TMEM40: variants seen among roughly 807,000 people sequenced by gnomAD.
TMEM40 encodes the protein transmembrane protein 40.
A neutral mutation model predicts 40.8 loss-of-function variants in TMEM40; 34 were observed. The observed-to-expected ratio is 0.83, with a 90% CI of 0.63 to 1.11. The LOEUF is 1.11. Ranked by LOEUF, TMEM40 falls within the 50% of genes least tolerant of loss-of-function variation. TMEM40 has a pLI of 0.00. For synonymous variants in TMEM40, 106 were observed against 107.0 expected, an observed-to-expected ratio of 0.99 and a Z score of 0.06; for missense variants, 296 against 280.2, an observed-to-expected ratio of 1.06 and a Z score of -0.40.
intron 3 of TMEM40, among the ~76,000 whole-genome samples, chr3:12,745,067 A>AT (rs909652543): frequency 9.8e-4 from 149 of 151,372 alleles, no homozygotes; most frequent in Non-Finnish European, 1.9e-3. Flanking sequence ...AATTATTCCA[A>AT]TTTTTTTTTG....
chr3:12,734,834 G>T, intron 11 of TMEM40, 41 bp from the exon 12 acceptor site: 1 of 1,584,552 alleles, frequency 6.3e-7, no homozygotes, highest in Admixed American at 1.8e-5. Context: ...GATTCTGAAG[G>T]CAGCCAGGCT....
At chr3:12,751,733 C>T (rs140993719) in intron 1 of TMEM40, among the ~76,000 whole-genome samples, 72 of 152,260 alleles carry the variant, frequency 4.7e-4, no homozygotes, top group African/African-American at 1.5e-3. Context: ...GTTCTCTGCA[C>T]GCAACAGGTG....
chr3:12,760,607 C>A (rs989823982), upstream of TMEM40, among the ~76,000 whole-genome samples: 2 of 152,134 alleles, frequency 1.3e-5, no homozygotes, highest in African/African-American at 4.8e-5. Flanking sequence ...AAGTAGTAAC[C>A]CCACACCAGC....
At chr3:12,748,361 C>G (rs187213338) in intron 3 of TMEM40, among the ~76,000 whole-genome samples, 12 of 152,300 alleles carry the variant, frequency 7.9e-5, no homozygotes, top group African/African-American at 2.9e-4. Context: ...TGAGATGCAG[C>G]CACTTGAGGG....
intron 7 of TMEM40, 170 bp from the exon 8 acceptor site, chr3:12,737,924 C>A: frequency 3.3e-6 from 3 of 911,552 alleles, no homozygotes; most frequent in Admixed American, 2.1e-5. Context: ...TCCTTGGAAC[C>A]CCCACTGACT....
intron 3 of TMEM40, among the ~76,000 whole-genome samples, chr3:12,744,625 G>T (rs1344592068): frequency 2.0e-5 from 3 of 152,190 alleles, no homozygotes; most frequent in Non-Finnish European, 4.4e-5. Flanking sequence ...CCCTGCAAGG[G>T]TGCCCAGCTA....
chr3:12,768,235 G>T (rs1006403259), intron 1 of TMEM40, among the ~76,000 whole-genome samples: 2 of 152,110 alleles, frequency 1.3e-5, no homozygotes, highest in Non-Finnish European at 2.9e-5. Context: ...TCAGAAGTGA[G>T]CCTGCAGACC....
chr3:12,736,913 C>A, intron 8 of TMEM40, 78 bp from the exon 9 acceptor site: 2 of 1,583,862 alleles, frequency 1.3e-6, no homozygotes, highest in South Asian at 2.2e-5. Context: ...AGGTCTTGCT[C>A]TGTCACCCAG....
rs2061320500 is a variant in TMEM40, at chr3:12,734,105, G to T, written c.*669C>A. 6.6e-6 allele frequency: 1 copy of T among 151,738 alleles called. No individual in the cohort carries two copies. Among genetic ancestry groups the T allele is most frequent in the Admixed American group, 6.6e-5 (1 of 15,228 alleles). 9.4% of individuals were successfully genotyped at this position (151,738 alleles called of 1,614,324 possible). A position where few individuals can be genotyped will look rare whatever the true frequency, so the allele number is the denominator to read the frequency against. On this transcript the variant is annotated 3_prime_UTR_variant, in exon 12 of 12. Coordinates refer to ENST00000314124, the MANE Select transcript of TMEM40 (RefSeq NM_018306.4). ...ATTAAAAAAAAATTGTAGAGATGGGGGTCTCACTATGTTGCCCAGGTTGGT... is the reference window on the plus strand; with the variant it reads ...ATTAAAAAAAAATTGTAGAGATGGGTGTCTCACTATGTTGCCCAGGTTGGT...
intron 1 of TMEM40, among the ~76,000 whole-genome samples, chr3:12,757,111 G>A (rs910829211): frequency 2.6e-5 from 4 of 152,102 alleles, no homozygotes; most frequent in Non-Finnish European, 4.4e-5. Flanking sequence ...GTTTAAAAAC[G>A]GACAGAGGAT....
chr3:12,763,540 G>A (rs562571325), upstream of TMEM40, among the ~76,000 whole-genome samples: 1 of 152,180 alleles, frequency 6.6e-6, no homozygotes, highest in Non-Finnish European at 1.5e-5. Context: ...AGCCAGCTCA[G>A]CAGCTGAGCA....
At chr3:12,750,725 G>A (rs1198635847) in intron 1 of TMEM40, among the ~76,000 whole-genome samples, 1 of 152,158 alleles carries the variant, frequency 6.6e-6, no homozygotes, top group Non-Finnish European at 1.5e-5. Context: ...TGGGACTACA[G>A]GCACGTGCCA....
At chr3:12,734,963 A>G (rs1033688689) in intron 11 of TMEM40, among the ~76,000 whole-genome samples, 170 bp from the exon 12 acceptor site, 1 of 152,168 alleles carries the variant, frequency 6.6e-6, no homozygotes, top group African/African-American at 2.4e-5. Context: ...CTTTTTCTTC[A>G]TTACATGGAT....
chr3:12,757,200 T>C (rs1260230213), intron 1 of TMEM40, among the ~76,000 whole-genome samples: 1 of 152,178 alleles, frequency 6.6e-6, no homozygotes, highest in Non-Finnish European at 1.5e-5. Context: ...CTGGGTGCGG[T>C]GGCTCATGTC....
At chr3:12,754,610 G>A (rs560451901) in intron 1 of TMEM40, among the ~76,000 whole-genome samples, 80 of 152,262 alleles carry the variant, frequency 5.3e-4, no homozygotes, top group African/African-American at 1.8e-3. Context: ...TGAAGAAGGT[G>A]GCCCACATTC....
intron 3 of TMEM40, 58 bp from the exon 4 acceptor site, chr3:12,744,047 C>A (rs993853703): frequency 6.5e-7 from 1 of 1,531,148 alleles, no homozygotes. Context: ...GCTGGGAATG[C>A]GTTCATTCTG....
intron 1 of TMEM40, among the ~76,000 whole-genome samples, chr3:12,751,352 G>T (rs1353939321): frequency 6.6e-6 from 1 of 150,636 alleles, no homozygotes; most frequent in African/African-American, 2.4e-5. Context: ...CATGATCTCA[G>T]CTCACTGCAA....
intron 3 of TMEM40, among the ~76,000 whole-genome samples, chr3:12,744,269 T>G (rs2061409052): frequency 6.6e-6 from 1 of 152,170 alleles, no homozygotes; most frequent in Non-Finnish European, 1.5e-5. Context: ...TAAGGTCCCA[T>G]GAGGCATCAT....
rs372449317 is a variant in TMEM40, at chr3:12,735,394, G to A, written c.682+161C>T. ...CCAGTTGAGGAAACCGAGGCTACAC[G>A]GCTCATCCAGGGTCACAGAGCTAGT... On this transcript the variant is annotated intron_variant, in intron 11 of 11. Transcript: ENST00000314124. Among the ~76,000 whole-genome samples, 45 of 152,236 alleles carry A rather than the reference G, an allele frequency of 3.0e-4. 1 individual carries two copies. In the Middle Eastern group the frequency reaches 0.01, roughly 35 times the overall value.
Sources: allele counts gnomAD v4.1 joint callset (sites outside exome capture counted in the v4.1 genomes callset), GRCh38; gene constraint gnomAD v4.1.1; transcripts MANE v1.5; gene names NCBI Gene and HGNC (gene_info 2026-07-23, HGNC 2026-07-21).